GMDS: variants seen among roughly 807,000 people sequenced by gnomAD.
GMDS encodes GDP-mannose 4,6 dehydratase.
A neutral mutation model predicts 49.9 loss-of-function variants in GMDS; 20 were observed. The observed-to-expected ratio is 0.40, with a 90% CI of 0.28 to 0.58. The LOEUF (loss-of-function observed/expected upper bound fraction) is 0.58, where lower values mean the gene tolerates loss of function less well. Among genes scored for constraint, GMDS ranks in the 20% least tolerant of loss-of-function variants. GMDS has a pLI of 0.42. For missense variants in GMDS, 362 were observed against 481.4 expected, an observed-to-expected ratio of 0.75 and a Z score of 2.32; for synonymous variants, 177 against 178.6, an observed-to-expected ratio of 0.99 and a Z score of 0.07.
At position 1,930,191 on chromosome 6, in the gene GMDS, G is replaced by A. The variant is rs1762223643; in HGVS notation, c.683C>T (p.Ala228Val). 6.2e-7 allele frequency: 1 copy of A among 1,612,422 alleles called. No individual in the cohort carries two copies. The highest frequency in any genetic ancestry group is 8.5e-7 in the Non-Finnish European group (1 of 1,179,042). The change falls in exon 7 of 11, where the codon GCT (alanine) becomes GTT (valine). Residue 228 changes from alanine to valine, a missense_variant. Transcript: ENST00000380815. ...FVTRKISRSV[A>V]KIYLGQLECF... ...TTCCAGTTGTCCAAGGTAAATCTTA[G>A]CTACTGACCGGCTAATTTTTCGAGT...
intron 1 of GMDS, among the ~76,000 whole-genome samples, chr6:2,136,147 C>T (rs1295354379): frequency 6.6e-6 from 1 of 152,164 alleles, no homozygotes; most frequent in Non-Finnish European, 1.5e-5. Flanking sequence ...ATGGGACTAC[C>T]ATTGTGTATG....
chr6:1,927,286 C>G (rs1448817170), intron 7 of GMDS, among the ~76,000 whole-genome samples: 4 of 142,404 alleles, frequency 2.8e-5, no homozygotes, highest in Admixed American at 7.0e-5. Context: ...CGGAGGGTAG[C>G]GTGTTGGTGT....
At chr6:1,930,948 G>A (rs1278691967) in intron 6 of GMDS, 1 of 152,180 alleles carries the variant, frequency 6.6e-6, no homozygotes, top group Non-Finnish European at 1.5e-5. Flanking sequence ...ATTTTGAAAT[G>A]ATTGGTTGAA....
chr6:2,179,680 T>C (rs779866603), intron 1 of GMDS, among the ~76,000 whole-genome samples: 1 of 152,220 alleles, frequency 6.6e-6, no homozygotes, highest in African/African-American at 2.4e-5. Flanking sequence ...TAAATTACTC[T>C]GTAGTATTTT....
intron 7 of GMDS, among the ~76,000 whole-genome samples, chr6:1,745,090 G>A (rs1399676402): frequency 6.6e-6 from 1 of 152,218 alleles, no homozygotes; most frequent in Non-Finnish European, 1.5e-5. Context: ...CTATCTGAAC[G>A]TTCTTCTGCG....
chr6:1,936,759 G>A (rs1762566397), intron 6 of GMDS, among the ~76,000 whole-genome samples: 1 of 152,146 alleles, frequency 6.6e-6, no homozygotes, highest in Non-Finnish European at 1.5e-5. Flanking sequence ...CTGAGGTCAG[G>A]AGTTTGAGAC....
chr6:2,185,976 T>G (rs188947408), intron 1 of GMDS, among the ~76,000 whole-genome samples: 76 of 150,898 alleles, frequency 5.0e-4, no homozygotes, highest in Non-Finnish European at 4.4e-5. Context: ...TTAGTAATAA[T>G]TCTCAAAAAA....
chr6:1,784,605 G>A (rs901030036), intron 7 of GMDS, among the ~76,000 whole-genome samples: 7 of 152,078 alleles, frequency 4.6e-5, no homozygotes, highest in Non-Finnish European at 1.0e-4. Flanking sequence ...AGACATCTGG[G>A]GAGATGGATG....
intron 6 of GMDS, among the ~76,000 whole-genome samples, chr6:1,956,851 G>A (rs989029236): frequency 1.4e-4 from 21 of 149,750 alleles, no homozygotes; most frequent in African/African-American, 4.4e-4. Context: ...TCGCACTGTC[G>A]CCTGGGCTGG....
At chr6:1,682,062 C>T (rs1036406370) in intron 9 of GMDS, among the ~76,000 whole-genome samples, 1 of 152,024 alleles carries the variant, frequency 6.6e-6, no homozygotes, top group Admixed American at 6.6e-5. Context: ...CGGTATGGCC[C>T]CTTCACTTAC....
At chr6:1,809,100 A>C (rs1323345941) in intron 7 of GMDS, among the ~76,000 whole-genome samples, 1 of 152,212 alleles carries the variant, frequency 6.6e-6, no homozygotes, top group Non-Finnish European at 1.5e-5. Context: ...GGATTTACTA[A>C]ATGTCATATC....
intron 7 of GMDS, among the ~76,000 whole-genome samples, chr6:1,898,531 G>T (rs1290521324): frequency 6.6e-6 from 1 of 152,112 alleles, no homozygotes; most frequent in Non-Finnish European, 1.5e-5. Flanking sequence ...CTTGTTTGGA[G>T]GGCATTTACC....
Position 1,664,730 on chromosome 6 carries a change from T to C in GMDS, c.988-40190A>G, listed in dbSNP as rs12214889. 2.1e-3 allele frequency among the ~76,000 whole-genome samples: 324 copies of C among 152,358 alleles called. 1 individual carries two copies. The highest frequency in any genetic ancestry group is 3.3e-3 in the Non-Finnish European group (224 of 68,032). ...AACAGGGGGCAATGCTAATGTTTAA[T>C]AATGTAAGCATAATATTTAATTTGG... On this transcript the variant is annotated intron_variant, in intron 9 of 10. Coordinates refer to ENST00000380815, the MANE Select transcript of GMDS (RefSeq NM_001500.4).
chr6:1,963,705 T>C (rs946334462), intron 4 of GMDS, among the ~76,000 whole-genome samples: 2 of 152,158 alleles, frequency 1.3e-5, no homozygotes, highest in African/African-American at 2.4e-5. Context: ...TGGCCTTATT[T>C]TGAGGAAACA....
intron 4 of GMDS, among the ~76,000 whole-genome samples, chr6:1,973,550 T>C (rs1287419761): frequency 3.3e-5 from 5 of 152,142 alleles, no homozygotes; most frequent in Non-Finnish European, 7.3e-5. Context: ...TTGCTGCCAG[T>C]TACCACCCAG....
At chr6:2,178,001 T>C (rs1377507578) in intron 1 of GMDS, among the ~76,000 whole-genome samples, 2 of 152,210 alleles carry the variant, frequency 1.3e-5, no homozygotes, top group African/African-American at 4.8e-5. Context: ...TGGATGCAGC[T>C]GAAGGCCATT....
At chr6:1,714,056 C>T (rs999514308) in intron 9 of GMDS, among the ~76,000 whole-genome samples, 4 of 152,278 alleles carry the variant, frequency 2.6e-5, no homozygotes, top group South Asian at 4.1e-4. Flanking sequence ...CTCACTCTGT[C>T]GCCCAGGCTG....
chr6:1,984,902 G>A (rs946570745), intron 4 of GMDS, among the ~76,000 whole-genome samples: 1 of 152,162 alleles, frequency 6.6e-6, no homozygotes, highest in Admixed American at 6.5e-5. Flanking sequence ...CAAAGCTACT[G>A]AAAAACAAAG....
At chr6:2,065,877 T>C (rs1771550315) in intron 4 of GMDS, among the ~76,000 whole-genome samples, 2 of 152,100 alleles carry the variant, frequency 1.3e-5, no homozygotes, top group South Asian at 2.1e-4. Context: ...ACTTCCCCAA[T>C]CTAGCAAGGC....
Sources: allele counts gnomAD v4.1 joint callset (sites outside exome capture counted in the v4.1 genomes callset), GRCh38; gene constraint gnomAD v4.1.1; transcripts MANE v1.5; gene names NCBI Gene and HGNC (gene_info 2026-07-23, HGNC 2026-07-21).